Variants in CTTNBP2 observed in about 807,000 individuals in gnomAD.
The protein encoded by CTTNBP2 is cortactin binding protein 2, also known as cortactin-binding protein 2.
CTTNBP2 carries 108 observed loss-of-function variants against 156.9 expected under a neutral mutation model. That is an observed-to-expected ratio of 0.69 (90% CI 0.59 to 0.81). CTTNBP2 has a LOEUF of 0.81. Among genes scored for constraint, CTTNBP2 ranks in the 30% least tolerant of loss-of-function variants. The pLI is 0.00. For synonymous variants in CTTNBP2, 767 were observed against 751.8 expected (o/e 1.02, Z -0.33); for missense variants, 1,924 against 2,035.4 (o/e 0.95, Z 1.05).
chr7:117,728,039 T>C (rs750342046), intron 17 of CTTNBP2, 50 bp downstream of exon 17: 2 of 1,527,552 alleles, frequency 1.3e-6, no homozygotes, highest in Middle Eastern at 1.7e-4. Context: ...AACATCTGAA[T>C]TGGCCACGTC....
chr7:117,819,469 C>T (rs1188203608), intron 2 of CTTNBP2, among the ~76,000 whole-genome samples: 1 of 151,568 alleles, frequency 6.6e-6, no homozygotes, highest in Non-Finnish European at 1.5e-5. Flanking sequence ...ACACAGTCAT[C>T]TGGAGAAGGA....
At chr7:117,712,887 G>T (rs1794136206) in intron 22 of CTTNBP2, among the ~76,000 whole-genome samples, 1 of 152,070 alleles carries the variant, frequency 6.6e-6, no homozygotes, top group African/African-American at 2.4e-5. Context: ...TTTCTCCATT[G>T]AGCAATTAAA....
chr7:117,729,479 T>C (rs892705846), intron 16 of CTTNBP2, among the ~76,000 whole-genome samples: 6 of 152,212 alleles, frequency 3.9e-5, no homozygotes, highest in Non-Finnish European at 8.8e-5. Flanking sequence ...GAGGTGTGTA[T>C]GCCTACTATG....
chr7:117,862,934 C>T (rs961860426), intron 1 of CTTNBP2, among the ~76,000 whole-genome samples: 10 of 152,162 alleles, frequency 6.6e-5, no homozygotes, highest in East Asian at 1.9e-4. Context: ...CACACTTTAC[C>T]GGCATGGCAC....
chr7:117,849,953 C>T (rs546165597), intron 2 of CTTNBP2, among the ~76,000 whole-genome samples: 1 of 152,334 alleles, frequency 6.6e-6, no homozygotes, highest in Non-Finnish European at 1.5e-5. Context: ...ACACAGAACA[C>T]TTTCCTTAAC....
intron 3 of CTTNBP2, among the ~76,000 whole-genome samples, chr7:117,799,847 T>C (rs951740230): frequency 2.0e-5 from 3 of 152,066 alleles, no homozygotes; most frequent in Non-Finnish European, 4.4e-5. Context: ...ACAAAGTCAA[T>C]TGAATACCTG....
At chr7:117,788,977 G>A (rs1010270486) in intron 4 of CTTNBP2, among the ~76,000 whole-genome samples, 4 of 143,296 alleles carry the variant, frequency 2.8e-5, no homozygotes, top group South Asian at 4.2e-4. Flanking sequence ...ATCTTCAGTC[G>A]CTGGTATTTT....
intron 17 of CTTNBP2, 120 bp from the exon 18 acceptor site, chr7:117,725,377 G>T: frequency 2.3e-6 from 2 of 858,858 alleles, no homozygotes; most frequent in Non-Finnish European, 3.8e-6. Context: ...CTATAGATAT[G>T]CTACCTTTCC....
chr7:117,723,389 A>G (rs548862600), intron 19 of CTTNBP2, among the ~76,000 whole-genome samples: 2 of 152,340 alleles, frequency 1.3e-5, no homozygotes, highest in African/African-American at 2.4e-5. Context: ...TTTTTTAAAT[A>G]TAAGATTTTA....
At chr7:117,730,841 AT>A (rs1274224765) in intron 16 of CTTNBP2, among the ~76,000 whole-genome samples, 1 of 150,700 alleles carries the variant, frequency 6.6e-6, no homozygotes, top group Non-Finnish European at 1.5e-5. Context: ...CAGGGGGTAT[AT>A]TTTTATCTTC....
At chr7:117,812,168 A>G (rs10248793) in intron 2 of CTTNBP2, among the ~76,000 whole-genome samples, 10,386 of 152,086 alleles carry the variant, frequency 0.068, 395 homozygotes, top group African/African-American at 0.096. Flanking sequence ...GACCAAATGC[A>G]ATTTTCTATA....
chr7:117,752,028 T>C (rs866315988), intron 12 of CTTNBP2, among the ~76,000 whole-genome samples: 2 of 152,148 alleles, frequency 1.3e-5, no homozygotes, highest in African/African-American at 4.8e-5. Flanking sequence ...CTCCTCCCTT[T>C]CCTAAGAAAG....
Position 117,735,337 on chromosome 7 carries a change from T to G in CTTNBP2, c.3620A>C (p.Glu1207Ala). The change falls in exon 15 of 23, where the codon GAG (glutamate) becomes GCG (alanine). Residue 1207 changes from glutamate (E) to alanine (A), a missense_variant. Physicochemically the swap from Glu to Ala is moderately radical, Grantham distance 107 (BLOSUM62 -1). Coordinates refer to ENST00000160373, the MANE Select transcript of CTTNBP2 (RefSeq NM_033427.3). Reference sequence around the variant, plus strand: ...AGGTGCCAAAAAGTCCCTCAATAACTCCGACAGTGAAGATTTTTCTAAATT... The same window carrying G: ...AGGTGCCAAAAAGTCCCTCAATAACGCCGACAGTGAAGATTTTTCTAAATT... ...LENLEKSSLSELLRDFLAPLE... is the reference protein window; with the variant it reads ...LENLEKSSLSALLRDFLAPLE... 3 of 1,613,848 alleles carry G rather than the reference T, an allele frequency of 1.9e-6. No individual in the cohort carries two copies. In the South Asian group the frequency reaches 3.3e-5, roughly 18 times the overall value.
chr7:117,720,933 GAC>G (rs1794754469), intron 20 of CTTNBP2, 132 bp downstream of exon 20: 1 of 692,748 alleles, frequency 1.4e-6, no homozygotes, highest in Non-Finnish European at 2.6e-6. Context: ...GCATTTGAAT[GAC>G]ATATATAACT....
intron 2 of CTTNBP2, among the ~76,000 whole-genome samples, chr7:117,847,971 G>A (rs748080415): frequency 6.6e-6 from 1 of 151,522 alleles, no homozygotes; most frequent in Non-Finnish European, 1.5e-5. Flanking sequence ...AGCATGTGCT[G>A]CCACGCCCAG....
intron 12 of CTTNBP2, among the ~76,000 whole-genome samples, chr7:117,746,885 A>G (rs1356696154): frequency 2.0e-5 from 3 of 152,198 alleles, no homozygotes; most frequent in Non-Finnish European, 4.4e-5. Context: ...CCTCGTGTAT[A>G]AGGATACCTC....
rs146678676 is a variant in CTTNBP2, at chr7:117,792,101, C to G, written c.1095G>C (p.Leu365Phe). The G allele has an allele frequency of 3.7e-6, 6 of 1,614,146 alleles. No individual in the cohort carries two copies. The Admixed American group carries it at 5.0e-5, about 13-fold the overall frequency. Residue 365 changes from leucine (L) to phenylalanine (F), a missense_variant, in exon 4 of 23, where the codon TTG (leucine) becomes TTC (phenylalanine). By Grantham distance (22) the Leu-to-Phe change is conservative. Transcript: ENST00000160373. The surrounding 1 kb of genome is among the most constrained non-coding windows in gnomAD (Gnocchi z 4.2). ...GIDRQASYGD[L>F]IGASVPAFPP... ...GGAAAGCGGGTACAGAAGCGCCAATCAAGTCACCATAGGAAGCCTGCCTGT... is the reference window on the plus strand; with the variant it reads ...GGAAAGCGGGTACAGAAGCGCCAATGAAGTCACCATAGGAAGCCTGCCTGT...
chr7:117,798,080 T>A (rs1301649152), intron 3 of CTTNBP2, among the ~76,000 whole-genome samples: 2 of 152,032 alleles, frequency 1.3e-5, no homozygotes, highest in Non-Finnish European at 2.9e-5. Context: ...GTACAGAGAA[T>A]CTGCAACATA....
In CTTNBP2 at chr7:117,847,819, C is replaced by CTTTTTTTTTTTTTTTTTTTTTT. The variant is rs201419286; in HGVS notation, c.189+13368_189+13389dup. Among the ~76,000 whole-genome samples, 7 of 91,370 alleles carry CTTTTTTTTTTTTTTTTTTTTTT rather than the reference C, an allele frequency of 7.7e-5. 1 individual carries two copies. The highest frequency in any genetic ancestry group is 3.3e-4 in the African/African-American group (7 of 20,982). 59.9% of individuals were successfully genotyped at this position (91,370 alleles called of 152,430 possible). A position where few individuals can be genotyped will look rare whatever the true frequency, so the allele number is the denominator to read the frequency against. ...TTTTTATAGATCTTCTTTGCCTAAC[C>CTTTTTTTTTTTTTTTTTTTTTT]TTTTTTTTTTTTTTTTTTTTTTTTT... On this transcript the variant is annotated intron_variant, in intron 2 of 22. Coordinates refer to ENST00000160373, the MANE Select transcript of CTTNBP2 (RefSeq NM_033427.3).
Sources: allele counts gnomAD v4.1 joint callset (sites outside exome capture counted in the v4.1 genomes callset), GRCh38; gene constraint gnomAD v4.1.1; non-coding constraint Gnocchi (gnomAD v3.1); transcripts MANE v1.5; gene names NCBI Gene and HGNC (gene_info 2026-07-23, HGNC 2026-07-21).